UVRAG: variants seen among roughly 807,000 people sequenced by gnomAD.
UVRAG encodes UV radiation resistance-associated gene protein.
In UVRAG, 19 loss-of-function variants were observed where a neutral mutation model predicts 78.0. That is an observed-to-expected ratio of 0.24 (90% confidence interval 0.17 to 0.36). UVRAG has a LOEUF of 0.36. Ranked by LOEUF, UVRAG falls within the 10% of genes least tolerant of loss-of-function variation. UVRAG has a pLI of 1.00. For synonymous variants in UVRAG, 323 were observed against 324.6 expected, an observed-to-expected ratio of 1.00 and a Z score of 0.05; for missense variants, 740 against 853.8, an observed-to-expected ratio of 0.87 and a Z score of 1.66.
intron 13 of UVRAG, among the ~76,000 whole-genome samples, chr11:76,095,413 AT>A (rs1364181723): frequency 6.6e-6 from 1 of 151,956 alleles, no homozygotes; most frequent in Non-Finnish European, 1.5e-5. Context: ...ATATTTTCCT[AT>A]TCTTTGTCTT....
chr11:75,906,568 G>A (rs539092721), intron 5 of UVRAG, among the ~76,000 whole-genome samples: 8 of 152,034 alleles, frequency 5.3e-5, no homozygotes, highest in Non-Finnish European at 8.8e-5. Context: ...GGCTGGTCTC[G>A]AACTCCTGAC....
At chr11:76,005,225 C>T (rs555778328) in intron 9 of UVRAG, among the ~76,000 whole-genome samples, 1 of 152,220 alleles carries the variant, frequency 6.6e-6, no homozygotes, top group South Asian at 2.1e-4. Context: ...TGCCTATAGT[C>T]CCAGCTACTC....
At chr11:76,015,005 A>G (rs1950121019) in intron 11 of UVRAG, among the ~76,000 whole-genome samples, 1 of 152,204 alleles carries the variant, frequency 6.6e-6, no homozygotes, top group African/African-American at 2.4e-5. Context: ...TTGGTTGAAA[A>G]TTACTGCTGT....
chr11:76,035,122 A>ATTT (rs1565129773), intron 12 of UVRAG, among the ~76,000 whole-genome samples: 1 of 152,144 alleles, frequency 6.6e-6, no homozygotes, highest in Non-Finnish European at 1.5e-5. Context: ...GCGAATATTT[A>ATTT]TTTTTGAGTG....
At chr11:76,081,763 G>T (rs544856860) in intron 13 of UVRAG, among the ~76,000 whole-genome samples, 1 of 152,180 alleles carries the variant, frequency 6.6e-6, no homozygotes, top group East Asian at 1.9e-4. Context: ...ATATGAGAAT[G>T]TTTATAGCAC....
intron 14 of UVRAG, among the ~76,000 whole-genome samples, chr11:76,134,390 A>C (rs1952565937): frequency 6.6e-6 from 1 of 151,432 alleles, no homozygotes; most frequent in African/African-American, 2.4e-5. Context: ...CAGCCTCCCT[A>C]AGTGCTGGGA....
chr11:75,916,130 C>T (rs1947848139), intron 6 of UVRAG: 1 of 151,938 alleles, frequency 6.6e-6, no homozygotes, highest in Admixed American at 6.6e-5. Context: ...CCTTCTTCTT[C>T]AGAAATATCC....
intron 12 of UVRAG, among the ~76,000 whole-genome samples, chr11:76,053,700 G>A (rs182227019): frequency 6.6e-5 from 10 of 152,104 alleles, no homozygotes; most frequent in South Asian, 2.1e-4. Context: ...AGCTGGGCAC[G>A]GTGGCTCACA....
rs1044729721 is a variant in UVRAG, at chr11:76,143,614, G to A, written c.*2201G>A. Among the ~76,000 whole-genome samples the A allele has an allele frequency of 1.3e-5, 2 of 152,230 alleles. No homozygotes were observed. The highest frequency in any genetic ancestry group is 6.5e-5 in the Admixed American group (1 of 15,286). On this transcript the variant is annotated 3_prime_UTR_variant, in exon 15 of 15. Transcript: ENST00000356136. ...CAAAACACCACTTAGGTTTGGGTTC[G>A]TTTAGTTCGAGTTTGGGGTTTTCAT...
chr11:76,117,901 G>A (rs1565168257), intron 14 of UVRAG, among the ~76,000 whole-genome samples: 1 of 152,170 alleles, frequency 6.6e-6, no homozygotes, highest in African/African-American at 2.4e-5. Flanking sequence ...GAACAGAAAA[G>A]GAAAATACCT....
chr11:75,849,061 G>A (rs1037464089), intron 1 of UVRAG, among the ~76,000 whole-genome samples: 2 of 152,156 alleles, frequency 1.3e-5, no homozygotes, highest in East Asian at 1.9e-4. Context: ...GCCTGTAGTC[G>A]CAGCTACTTG....
intron 7 of UVRAG, among the ~76,000 whole-genome samples, chr11:75,966,064 C>G (rs1842714441): frequency 6.6e-6 from 1 of 152,064 alleles, no homozygotes; most frequent in Non-Finnish European, 1.5e-5. Flanking sequence ...GAGTTTTTAT[C>G]ACGAATAGAA....
At chr11:75,892,700 A>G (rs1947241068) in intron 5 of UVRAG, among the ~76,000 whole-genome samples, 1 of 152,128 alleles carries the variant, frequency 6.6e-6, no homozygotes, top group African/African-American at 2.4e-5. Flanking sequence ...AGTTCAGCAG[A>G]TCTTGCCCCC....
chr11:75,984,581 A>T (rs1302226311), intron 8 of UVRAG, among the ~76,000 whole-genome samples: 1 of 152,172 alleles, frequency 6.6e-6, no homozygotes, highest in East Asian at 1.9e-4. Flanking sequence ...GAATTTTCAC[A>T]AAGCAAACAT....
At chr11:76,090,926 G>A (rs925385915) in intron 13 of UVRAG, among the ~76,000 whole-genome samples, 3 of 151,968 alleles carry the variant, frequency 2.0e-5, no homozygotes, top group East Asian at 3.9e-4. Context: ...ATAATCCTAG[G>A]GATTTCCATA....
chr11:75,923,151 C>A (rs1948016684), intron 6 of UVRAG, among the ~76,000 whole-genome samples: 1 of 151,182 alleles, frequency 6.6e-6, no homozygotes, highest in Non-Finnish European at 1.5e-5. Context: ...TTAAATAATT[C>A]TTTTTATTCA....
intron 6 of UVRAG, among the ~76,000 whole-genome samples, chr11:75,920,248 A>G (rs1591018957): frequency 1.3e-5 from 2 of 149,104 alleles, no homozygotes; most frequent in East Asian, 4.0e-4. Flanking sequence ...GATGATCTCA[A>G]TTTCCTGACC....
At chr11:75,956,923 T>C (rs983645921) in intron 6 of UVRAG, among the ~76,000 whole-genome samples, 7 of 152,182 alleles carry the variant, frequency 4.6e-5, no homozygotes, top group African/African-American at 1.7e-4. Flanking sequence ...CATTTTTAAT[T>C]GGCTGTCTTG....
At chr11:75,993,859 G>A (rs939720363) in intron 8 of UVRAG, among the ~76,000 whole-genome samples, 1 of 152,170 alleles carries the variant, frequency 6.6e-6, no homozygotes, top group African/African-American at 2.4e-5. Context: ...TTCGGTCATG[G>A]TGGAAGGTGA....
Sources: gnomAD v4.1 joint callset for allele counts (sites outside exome capture counted in the v4.1 genomes callset) on GRCh38, gnomAD v4.1.1 for gene constraint, MANE v1.5 for transcripts, NCBI Gene and HGNC (gene_info 2026-07-23, HGNC 2026-07-21) for gene names.